PLIN3: variants seen among roughly 807,000 people sequenced by gnomAD.
The protein encoded by PLIN3 is perilipin-3.
Under a neutral mutation model 35.9 loss-of-function variants are expected in PLIN3, and 30 were observed. The ratio of observed to expected loss-of-function variants is 0.84; its 90% confidence interval spans 0.62 to 1.13. The LOEUF (loss-of-function observed/expected upper bound fraction) is 1.13, where lower values mean the gene tolerates loss of function less well. Among genes scored for constraint, PLIN3 ranks in the 50% most tolerant of loss-of-function variants. The probability of loss-of-function intolerance (pLI) is 0.00; values close to 1 mark genes in which losing one functional copy is unlikely to be tolerated. For synonymous variants in PLIN3, 261 were observed against 262.5 expected (o/e 0.99, Z 0.06); for missense variants, 603 against 596.9 (o/e 1.01, Z -0.11).
chr19:4,867,155 C>G (rs901036025), intron 1 of PLIN3: 1 of 152,246 alleles, frequency 6.6e-6, no homozygotes, highest in African/African-American at 2.4e-5. Flanking sequence ...CACCCCCACC[C>G]GTGGCAAAAC....
Position 4,842,897 on chromosome 19 carries a change from T to C in PLIN3, c.960+1771A>G, listed in dbSNP as rs1329068585. The stretch of plus-strand genomic sequence containing the variant: ...CACTTTTGTAGCCCTTACTATGTGC[T>C]TTTGATATGATCTCATTTCAGTTTT... On this transcript the variant is annotated intron_variant, in intron 7 of 7. Coordinates refer to ENST00000221957, the MANE Select transcript of PLIN3 (RefSeq NM_005817.5). Among the ~76,000 whole-genome samples the C allele has an allele frequency of 2.0e-5, 3 of 152,152 alleles. No homozygotes were observed. In the East Asian group the frequency reaches 5.8e-4, roughly 29 times the overall value.
At chr19:4,854,080 G>A (rs919299890) in intron 4 of PLIN3, among the ~76,000 whole-genome samples, 17 of 151,716 alleles carry the variant, frequency 1.1e-4, no homozygotes, top group African/African-American at 2.4e-5. Context: ...CTACAGGTAC[G>A]CACCACCACA....
intron 1 of PLIN3, among the ~76,000 whole-genome samples, chr19:4,862,494 C>A (rs262543): frequency 0.55 from 83,577 of 151,698 alleles, 23,743 homozygotes; most frequent in Non-Finnish European, 0.61. Context: ...AATCCTCTTG[C>A]CTTGGACTCC....
chr19:4,855,727 A>G (rs1195551581), intron 4 of PLIN3, among the ~76,000 whole-genome samples: 2 of 152,058 alleles, frequency 1.3e-5, no homozygotes, highest in African/African-American at 4.8e-5. Flanking sequence ...GTTTGAGACC[A>G]GCCTGGGCAA....
rs574967320 is a variant in PLIN3, at chr19:4,859,505, C to T, written c.348+85G>A. ...AGGCAGCAGGGAGGATGCCATCAAG[C>T]TTGTCTAGTTAAGCTGGGACCAGCG... On this transcript the variant is annotated intron_variant, in intron 4 of 7. Coordinates refer to ENST00000221957, the MANE Select transcript of PLIN3 (RefSeq NM_005817.5). 5 of 1,146,100 alleles carry T rather than the reference C, an allele frequency of 4.4e-6. No individual in the cohort carries two copies. In the South Asian group the frequency reaches 4.9e-5, roughly 11 times the overall value. 71.0% of individuals were successfully genotyped at this position (1,146,100 alleles called of 1,614,324 possible). A position where few individuals can be genotyped will look rare whatever the true frequency, so the allele number is the denominator to read the frequency against.
intron 7 of PLIN3, among the ~76,000 whole-genome samples, chr19:4,840,000 C>T (rs1224169793): frequency 7.7e-6 from 1 of 130,182 alleles, no homozygotes; most frequent in Non-Finnish European, 1.6e-5. Context: ...TAGAGTCTTG[C>T]TCTGTTGCCC....
chr19:4,861,420 A>C lies in PLIN3; in HGVS notation c.-17-9T>G, dbSNP rs1015985679. ...GGTCTCTGCAGCAGACGCTGAGGAG[A>C]GAGGAACAGTCAGGTACAGCCTGCC... On this transcript the variant is annotated splice_polypyrimidine_tract_variant and intron_variant, in intron 1 of 7. Transcript: ENST00000221957. 1 of 1,603,688 alleles carries C rather than the reference A, an allele frequency of 6.2e-7. No homozygotes were observed. The highest frequency in any genetic ancestry group is 1.3e-5 in the African/African-American group (1 of 74,902).
chr19:4,848,718 T>C lies in PLIN3; in HGVS notation c.635-828A>G, dbSNP rs538822468. Among the ~76,000 whole-genome samples the C allele has an allele frequency of 5.3e-5, 8 of 152,152 alleles. No homozygotes were observed. The South Asian group carries it at 1.7e-3, about 32-fold the overall frequency. On this transcript the variant is annotated intron_variant, in intron 5 of 7. Coordinates refer to ENST00000221957, the MANE Select transcript of PLIN3 (RefSeq NM_005817.5). ...CCCATCTCTACTAAAAATACAAAAA[T>C]TAGCCAGGCGTGATGGCACTAGCCT...
chr19:4,844,791 C>G lies in PLIN3; in HGVS notation c.837G>C (p.Met279Ile), dbSNP rs1280444441. Residue 279 changes from methionine (M) to isoleucine (I), a missense_variant and splice_region_variant, in exon 7 of 8, where the codon ATG (methionine) becomes ATC (isoleucine). Met to Ile is a conservative substitution (Grantham distance 10, BLOSUM62 1). Coordinates refer to ENST00000221957, the MANE Select transcript of PLIN3 (RefSeq NM_005817.5). Reference protein sequence around the residue: ...LLQLSQVLSLMETVKQGVDQK... With the variant: ...LLQLSQVLSLIETVKQGVDQK... ...GATCAACGCCTTGCTTGACAGTTTC[C>G]ATCTGGGGCAGGGGAGAGAGAAGTG... The G allele has an allele frequency of 6.9e-6, 11 of 1,595,516 alleles. No homozygotes were observed. Among genetic ancestry groups the G allele is most frequent in the Non-Finnish European group, 9.4e-6 (11 of 1,171,336 alleles).
rs879752758 is a variant in PLIN3 at position 4,849,644 on chromosome 19, CTTAT to C, written c.635-1758_635-1755del. 3.4e-3 allele frequency among the ~76,000 whole-genome samples: 514 copies of C among 151,244 alleles called. 1 individual carries two copies. Among genetic ancestry groups the C allele is most frequent in the African/African-American group, 1.0e-2 (411 of 41,252 alleles). On this transcript the variant is annotated intron_variant, in intron 5 of 7. Transcript: ENST00000221957. ...ATGTGTATATGCATGTATTTATTTA[CTTAT>C]TTATTTATTTATTTATTTTTTTGAG...
At chr19:4,867,318 G>A (rs529394105) in intron 1 of PLIN3, among the ~76,000 whole-genome samples, 1 of 152,338 alleles carries the variant, frequency 6.6e-6, no homozygotes, top group Admixed American at 6.5e-5. Context: ...TGGTGGGCGG[G>A]GGGCGGTATT....
chr19:4,854,842 C>T (rs959238183), intron 4 of PLIN3, among the ~76,000 whole-genome samples: 3 of 152,054 alleles, frequency 2.0e-5, no homozygotes, highest in Admixed American at 6.6e-5. Flanking sequence ...AGGCCAGGCA[C>T]GGTGGCTCAC....
intron 5 of PLIN3, among the ~76,000 whole-genome samples, chr19:4,848,147 C>A (rs755629533): frequency 3.3e-5 from 5 of 152,200 alleles, no homozygotes; most frequent in African/African-American, 9.6e-5. Context: ...CCATGCCCAG[C>A]TAATTTTTGT....
chr19:4,866,480 T>A (rs1348113630), intron 1 of PLIN3, among the ~76,000 whole-genome samples: 1 of 152,072 alleles, frequency 6.6e-6, no homozygotes, highest in Non-Finnish European at 1.5e-5. Flanking sequence ...CCGGGGAAGC[T>A]CAGATCCGTG....
At chr19:4,859,793 G>C (rs375256286) in intron 3 of PLIN3, 33 bp downstream of exon 3, 4 of 1,610,042 alleles carry the variant, frequency 2.5e-6, no homozygotes, top group Non-Finnish European at 3.4e-6. Flanking sequence ...ATGACCAGGA[G>C]GGGAATTCAG....
chr19:4,853,870 C>T (rs1008211293), intron 4 of PLIN3, among the ~76,000 whole-genome samples: 1 of 151,458 alleles, frequency 6.6e-6, no homozygotes, highest in Non-Finnish European at 1.5e-5. Flanking sequence ...CCTTTGACTA[C>T]GCCCCACCCA....
chr19:4,853,162 T>G (rs561342337), intron 4 of PLIN3, among the ~76,000 whole-genome samples: 2 of 150,224 alleles, frequency 1.3e-5, no homozygotes, highest in Non-Finnish European at 3.0e-5. Flanking sequence ...TGAGATGGAG[T>G]CTCCCTCTGT....
intron 7 of PLIN3, among the ~76,000 whole-genome samples, chr19:4,843,237 T>C (rs2656915): frequency 0.45 from 66,954 of 149,460 alleles, 15,258 homozygotes; most frequent in Non-Finnish European, 0.49. Flanking sequence ...CAGGGTGCGG[T>C]GGCTCACGCC....
At chr19:4,849,852 C>A (rs1348773840) in intron 5 of PLIN3, among the ~76,000 whole-genome samples, 2 of 150,726 alleles carry the variant, frequency 1.3e-5, no homozygotes, top group African/African-American at 4.9e-5. Context: ...GGGGTTTCAC[C>A]ATGTTGGCCA....
Sources: gnomAD v4.1 joint callset for allele counts (sites outside exome capture counted in the v4.1 genomes callset) on GRCh38, gnomAD v4.1.1 for gene constraint, MANE v1.5 for transcripts, NCBI Gene and HGNC (gene_info 2026-07-23, HGNC 2026-07-21) for gene names.